The following PALLD variants were observed in gnomAD, a reference collection of about 807,000 sequenced individuals.
PALLD encodes the protein palladin, cytoskeletal associated protein, also known as palladin.
Under a neutral mutation model 123.5 loss-of-function variants are expected in PALLD, and 61 were observed. The ratio of observed to expected loss-of-function variants is 0.49; its 90% CI spans 0.40 to 0.61. The LOEUF (loss-of-function observed/expected upper bound fraction) is 0.61. Ranked by LOEUF, PALLD falls within the 20% of genes least tolerant of loss-of-function variation. PALLD has a pLI of 0.00. For missense variants in PALLD, 1,273 were observed against 1,377.0 expected (o/e 0.92, Z 1.20); for synonymous variants, 465 against 496.4 (o/e 0.94, Z 0.84).
At chr4:168,651,832 A>G (rs778622747) in intron 2 of PALLD, among the ~76,000 whole-genome samples, 1 of 152,238 alleles carries the variant, frequency 6.6e-6, no homozygotes, top group Non-Finnish European at 1.5e-5. Flanking sequence ...TTACTTGAAC[A>G]AAAATGCAAA....
At chr4:168,913,427 G>A (rs1242340792) in intron 15 of PALLD, among the ~76,000 whole-genome samples, 10 of 152,030 alleles carry the variant, frequency 6.6e-5, no homozygotes, top group Admixed American at 6.6e-4. Context: ...ATGAGCCATC[G>A]TGCCCGGCCA....
chr4:168,705,405 A>T (rs1784131343), intron 8 of PALLD, among the ~76,000 whole-genome samples: 1 of 152,200 alleles, frequency 6.6e-6, no homozygotes, highest in Non-Finnish European at 1.5e-5. Flanking sequence ...CTGTTCATGG[A>T]TGGAGATTCC....
intron 3 of PALLD, among the ~76,000 whole-genome samples, chr4:168,675,329 C>G (rs925723261): frequency 6.6e-6 from 1 of 152,174 alleles, no homozygotes; most frequent in African/African-American, 2.4e-5. Context: ...CTGTTAGACA[C>G]AGGTTCTCAG....
chr4:168,880,973 T>C (rs1166443714), intron 10 of PALLD, among the ~76,000 whole-genome samples: 8 of 152,316 alleles, frequency 5.3e-5, no homozygotes, highest in South Asian at 4.1e-4. Context: ...AGTGGTGCAA[T>C]TGCAGCTCAC....
At chr4:168,600,108 T>C (rs13132409) in intron 2 of PALLD, among the ~76,000 whole-genome samples, 5,138 of 121,474 alleles carry the variant, frequency 0.042, 286 homozygotes, top group African/African-American at 0.12. Flanking sequence ...TATGCACACA[T>C]ATATATACAT....
At chr4:168,804,321 A>G (rs1739813834) in intron 10 of PALLD, among the ~76,000 whole-genome samples, 1 of 152,266 alleles carries the variant, frequency 6.6e-6, no homozygotes, top group Non-Finnish European at 1.5e-5. Context: ...GCCAGAAACC[A>G]GCTGCTTTTT....
chr4:168,905,308 C>T (rs571538456), intron 15 of PALLD, among the ~76,000 whole-genome samples: 4 of 150,678 alleles, frequency 2.7e-5, no homozygotes, highest in Admixed American at 1.3e-4. Flanking sequence ...CCACCATGCC[C>T]GGCTAATTTT....
At chr4:168,615,498 A>T (rs1452863601) in intron 2 of PALLD, among the ~76,000 whole-genome samples, 1 of 152,222 alleles carries the variant, frequency 6.6e-6, no homozygotes, top group Non-Finnish European at 1.5e-5. Context: ...AGGAATTCTT[A>T]AGTACTGACA....
intron 2 of PALLD, among the ~76,000 whole-genome samples, chr4:168,612,366 G>T (rs187272085): frequency 2.0e-5 from 3 of 151,870 alleles, no homozygotes; most frequent in Admixed American, 2.0e-4. Context: ...CCCAACCCAG[G>T]ATTTCTCCCA....
chr4:168,531,344 G>C (rs1383212952), intron 2 of PALLD, among the ~76,000 whole-genome samples: 1 of 152,160 alleles, frequency 6.6e-6, no homozygotes, highest in African/African-American at 2.4e-5. Context: ...TATTTTGCCT[G>C]AACAAATTAC....
chr4:168,832,459 G>T (rs1047255179), intron 10 of PALLD, among the ~76,000 whole-genome samples: 3 of 152,042 alleles, frequency 2.0e-5, no homozygotes, highest in African/African-American at 4.8e-5. Flanking sequence ...TGCCACGGAC[G>T]ATCCCTCCCG....
At chr4:168,743,774 T>C (rs1788592620) in intron 10 of PALLD, among the ~76,000 whole-genome samples, 1 of 152,150 alleles carries the variant, frequency 6.6e-6, no homozygotes, top group Admixed American at 6.5e-5. Flanking sequence ...AGAGCTTGCT[T>C]GCAGTTTGAC....
intron 17 of PALLD, 44 bp from the exon 18 acceptor site, chr4:168,921,490 C>A: frequency 7.4e-7 from 1 of 1,342,680 alleles, no homozygotes. Flanking sequence ...TGATTTCACT[C>A]TGTTTTAATA....
chr4:168,722,210 AT>A (rs547691947), intron 10 of PALLD, among the ~76,000 whole-genome samples: 4 of 151,748 alleles, frequency 2.6e-5, no homozygotes, highest in Admixed American at 1.3e-4. Context: ...ACACCCAGCT[AT>A]TTTTTTTATT....
intron 10 of PALLD, among the ~76,000 whole-genome samples, chr4:168,852,333 T>C (rs1747922817): frequency 6.6e-6 from 1 of 152,152 alleles, no homozygotes; most frequent in Non-Finnish European, 1.5e-5. Flanking sequence ...TCTGTTTTGA[T>C]CACTACTAGA....
chr4:168,510,620 A>T (rs1433558762), intron 1 of PALLD, among the ~76,000 whole-genome samples: 2 of 152,216 alleles, frequency 1.3e-5, no homozygotes, highest in African/African-American at 4.8e-5. Flanking sequence ...TGTTTTTCTC[A>T]TTTTAAAACT....
At chr4:168,841,214 A>G (rs1273339667) in intron 10 of PALLD, among the ~76,000 whole-genome samples, 1 of 152,156 alleles carries the variant, frequency 6.6e-6, no homozygotes, top group Non-Finnish European at 1.5e-5. Flanking sequence ...GAGCTGTTGG[A>G]CCTGGATCTC....
At chr4:168,736,528 T>C (rs1232913689) in intron 10 of PALLD, among the ~76,000 whole-genome samples, 1 of 152,200 alleles carries the variant, frequency 6.6e-6, no homozygotes. Flanking sequence ...TTAAGTGCCA[T>C]TGAACACAAC....
At position 168,815,408 on chromosome 4, in the gene PALLD, A is replaced by T. The variant is rs78393468; in HGVS notation, c.1965-75514A>T. Among the ~76,000 whole-genome samples the T allele has an allele frequency of 2.7e-3, 411 of 152,342 alleles. 4 individuals carry two copies. Among genetic ancestry groups the T allele is most frequent in the African/African-American group, 9.6e-3 (399 of 41,576 alleles). Reference sequence around the variant, plus strand: ...CTAACTGGTGGAAATAGTTGAAAGTATATTTGTCACTTACACCTTGCCTAT... The same window carrying T: ...CTAACTGGTGGAAATAGTTGAAAGTTTATTTGTCACTTACACCTTGCCTAT... On this transcript the variant is annotated intron_variant, in intron 10 of 21. Transcript: ENST00000505667.
Sources: gnomAD v4.1 joint callset for allele counts (sites outside exome capture counted in the v4.1 genomes callset) on GRCh38, gnomAD v4.1.1 for gene constraint, MANE v1.5 for transcripts, NCBI Gene and HGNC (gene_info 2026-07-23, HGNC 2026-07-21) for gene names.